The following RALGAPA2 variants were observed in gnomAD, a reference collection of about 807,000 sequenced individuals.
The protein encoded by RALGAPA2 is ral GTPase-activating protein subunit alpha-2.
In RALGAPA2, 139 loss-of-function variants were observed where a neutral mutation model predicts 230.4. The ratio of observed to expected loss-of-function variants is 0.60; its 90% CI spans 0.53 to 0.69. RALGAPA2 has a LOEUF of 0.69. Among genes scored for constraint, RALGAPA2 ranks in the 30% least tolerant of loss-of-function variants. The pLI, the probability that RALGAPA2 is intolerant of heterozygous loss-of-function variation, is 0.00. For synonymous variants in RALGAPA2, 847 were observed against 837.8 expected, an observed-to-expected ratio of 1.01 and a Z score of -0.19; for missense variants, 2,163 against 2,276.0, an observed-to-expected ratio of 0.95 and a Z score of 1.01.
intron 23 of RALGAPA2, among the ~76,000 whole-genome samples, chr20:20,562,635 G>C (rs2064292023): frequency 6.6e-6 from 1 of 152,136 alleles, no homozygotes. Context: ...TGGCCTGTCA[G>C]GTAGATTTTC....
chr20:20,601,702 A>G lies in RALGAPA2; in HGVS notation c.2183T>C (p.Ile728Thr), dbSNP rs1387477415. ...GAPGVEKARN[I>T]VRQKATEVEE... ...TTTACCAGTTGCTTTTTGGCGAACA[A>G]TATTTCTTGCCTTTTCCACTCCCGG... The change falls in exon 16 of 40, where the codon ATT becomes ACT. Residue 728 changes from isoleucine (I) to threonine (T), a missense_variant. By Grantham distance (89) the Ile-to-Thr change is moderately conservative (BLOSUM62 -1). Coordinates refer to ENST00000202677, the MANE Select transcript of RALGAPA2 (RefSeq NM_020343.4). 90 of 1,611,772 alleles carry G rather than the reference A, an allele frequency of 5.6e-5. No homozygotes were observed. The highest frequency in any genetic ancestry group is 7.4e-5 in the Non-Finnish European group (87 of 1,179,248).
chr20:20,653,651 C>A, intron 3 of RALGAPA2, 64 bp from the exon 4 acceptor site: 1 of 947,928 alleles, frequency 1.1e-6, no homozygotes, highest in Non-Finnish European at 1.6e-6. Flanking sequence ...ATGACAGGCC[C>A]ATATTACTCA....
intron 4 of RALGAPA2, among the ~76,000 whole-genome samples, chr20:20,647,510 C>T (rs2067256948): frequency 6.6e-6 from 1 of 152,204 alleles, no homozygotes; most frequent in Non-Finnish European, 1.5e-5. Flanking sequence ...AACTATAGAA[C>T]TGCTATATGA....
chr20:20,393,920 G>C (rs1419435375), intron 39 of RALGAPA2, among the ~76,000 whole-genome samples: 1 of 152,164 alleles, frequency 6.6e-6, no homozygotes, highest in Non-Finnish European at 1.5e-5. Context: ...GTTGCGGGTG[G>C]AGCTGGGTCT....
At chr20:20,485,482 T>C (rs73289150) in intron 36 of RALGAPA2, among the ~76,000 whole-genome samples, 1,531 of 152,354 alleles carry the variant, frequency 0.01, 21 homozygotes, top group African/African-American at 0.035. Flanking sequence ...ACATGTATTT[T>C]ATTCATTGTC....
intron 1 of RALGAPA2, among the ~76,000 whole-genome samples, chr20:20,688,301 C>T (rs1174363147): frequency 6.6e-6 from 1 of 151,030 alleles, no homozygotes; most frequent in African/African-American, 2.4e-5. Flanking sequence ...AGCAAAACTC[C>T]ATCTCAAAAA....
intron 37 of RALGAPA2, chr20:20,471,308 C>CAA (rs1194368135): frequency 2.0e-5 from 3 of 149,562 alleles, no homozygotes; most frequent in Non-Finnish European, 4.4e-5. Flanking sequence ...AACAAAATAA[C>CAA]AAAGCAAGTA....
chr20:20,619,211 C>CA (rs1228564324), intron 12 of RALGAPA2, 66 bp downstream of exon 12: 2 of 1,427,120 alleles, frequency 1.4e-6, no homozygotes, highest in Middle Eastern at 2.2e-4. Context: ...CCCCAATAAA[C>CA]AAAAAGACAA....
intron 35 of RALGAPA2, among the ~76,000 whole-genome samples, chr20:20,496,035 G>C (rs1335717244): frequency 6.6e-6 from 1 of 152,152 alleles, no homozygotes; most frequent in Admixed American, 6.5e-5. Context: ...GTGGCAGAGT[G>C]GGCCCGGGAC....
rs1201797788 is a variant in RALGAPA2 at position 20,546,804 on chromosome 20, C to G, written c.3185G>C (p.Cys1062Ser). 1 of 1,607,306 alleles carries G rather than the reference C, an allele frequency of 6.2e-7. No homozygotes were observed. The highest frequency in any genetic ancestry group is 2.2e-5 in the East Asian group (1 of 44,746). Residue 1062 changes from cysteine (C) to serine (S), a missense_variant, in exon 24 of 40, where the codon TGT becomes TCT. Coordinates refer to ENST00000202677, the MANE Select transcript of RALGAPA2 (RefSeq NM_020343.4). Reference protein sequence around the residue: ...QDILNTIIRHCPPRFFSLGFP... With the variant: ...QDILNTIIRHSPPRFFSLGFP... The stretch of plus-strand genomic sequence containing the variant: ...ACCCAGGGAGAAAAAGCGGGGTGGA[C>G]AGTGCCTTATGATCGTATTTAAGAT...
At chr20:20,581,604 T>C (rs569397228) in intron 20 of RALGAPA2, among the ~76,000 whole-genome samples, 13 of 152,266 alleles carry the variant, frequency 8.5e-5, no homozygotes, top group African/African-American at 1.9e-4. Context: ...CTGCTTCCCA[T>C]ACAGAATCAA....
chr20:20,571,427 G>A (rs1216079474), intron 23 of RALGAPA2, 31 bp downstream of exon 23: 2 of 1,574,112 alleles, frequency 1.3e-6, no homozygotes, highest in South Asian at 2.3e-5. Flanking sequence ...TCCAATTAAT[G>A]GGCAATCACA....
chr20:20,435,410 A>C (rs73287224), intron 37 of RALGAPA2, among the ~76,000 whole-genome samples: 3,125 of 152,378 alleles, frequency 0.021, 112 homozygotes, highest in African/African-American at 0.071. Flanking sequence ...GCATAACAGC[A>C]TCTACAGTTA....
rs1419224751 is a variant in RALGAPA2, at chr20:20,524,478, GAGA to G, written c.3825_3827del (p.Leu1276del). The G allele has an allele frequency of 4.3e-6, 7 of 1,613,794 alleles. No individual in the cohort carries two copies. The highest frequency in any genetic ancestry group is 5.9e-6 in the Non-Finnish European group (7 of 1,179,832). ...CTAGGACTGCTGTGGACACGGGGTG[GAGA>G]AGGACACTCACGGGCAATGCCATGC... is the stretch of plus-strand genomic sequence containing the variant. On this transcript the variant is annotated inframe_deletion, in exon 30 of 40. Coordinates refer to ENST00000202677, the MANE Select transcript of RALGAPA2 (RefSeq NM_020343.4).
intron 37 of RALGAPA2, among the ~76,000 whole-genome samples, chr20:20,445,045 G>A (rs531611696): frequency 5.9e-5 from 9 of 152,238 alleles, no homozygotes; most frequent in Non-Finnish European, 8.8e-5. Flanking sequence ...AAGTAGTGAC[G>A]CTGGCATATT....
intron 38 of RALGAPA2, among the ~76,000 whole-genome samples, chr20:20,397,262 T>C (rs2059737140): frequency 6.6e-6 from 1 of 152,322 alleles, no homozygotes; most frequent in Non-Finnish European, 1.5e-5. Context: ...ACCTGCAATA[T>C]GACAGTCCCC....
At chr20:20,394,889 CAAAAA>C (rs10673778) in intron 39 of RALGAPA2, among the ~76,000 whole-genome samples, 1 of 44,648 alleles carries the variant, frequency 2.2e-5, no homozygotes, top group African/African-American at 9.2e-5. Context: ...AATAAATAAG[CAAAAA>C]AAAAAAAAAA....
chr20:20,708,685 TCTC>T (rs781355690), intron 1 of RALGAPA2, among the ~76,000 whole-genome samples: 202 of 152,292 alleles, frequency 1.3e-3, no homozygotes, highest in Non-Finnish European at 1.6e-3. Context: ...CTACTACAAA[TCTC>T]CTTAAAGATG....
At chr20:20,710,343 G>A (rs568184161) in intron 1 of RALGAPA2, among the ~76,000 whole-genome samples, 1 of 152,144 alleles carries the variant, frequency 6.6e-6, no homozygotes, top group South Asian at 2.1e-4. Flanking sequence ...TTTTTTTCGA[G>A]TAGCAATGAA....
Sources: gnomAD v4.1 joint callset for allele counts (sites outside exome capture counted in the v4.1 genomes callset) on GRCh38, gnomAD v4.1.1 for gene constraint, MANE v1.5 for transcripts, NCBI Gene and HGNC (gene_info 2026-07-23, HGNC 2026-07-21) for gene names.